Variants in STEEP1 observed in about 807,000 individuals in gnomAD.
STEEP1 encodes STING ER exit protein.
A neutral mutation model predicts 19.2 loss-of-function variants in STEEP1; 3 were observed. The observed-to-expected ratio is 0.16, with a 90% CI of 0.07 to 0.40. The LOEUF (loss-of-function observed/expected upper bound fraction) is 0.40. Ranked by LOEUF, STEEP1 falls within the 10% of genes least tolerant of loss-of-function variation. The pLI is 0.99. For synonymous variants in STEEP1, 46 were observed against 63.7 expected (o/e 0.72, Z 1.32); for missense variants, 54 against 177.1 (o/e 0.30, Z 3.94).
intron 1 of STEEP1, among the ~76,000 whole-genome samples, chrX:119,561,980 T>C (rs2053323335): frequency 8.9e-6 from 1 of 112,943 alleles, no homozygotes. Flanking sequence ...CAAAAGCACA[T>C]GCTGTTTCCA....
chrX:119,543,376 G>A (rs763833205), intron 4 of STEEP1, among the ~76,000 whole-genome samples: 193 of 107,010 alleles, frequency 1.8e-3, no homozygotes, highest in African/African-American at 6.4e-3. Context: ...TAGTAGAGAC[G>A]GGGTTTCTCC....
At chrX:119,543,378 G>C (rs913488755) in intron 4 of STEEP1, among the ~76,000 whole-genome samples, 1 of 106,772 alleles carries the variant, frequency 9.4e-6, no homozygotes, top group Non-Finnish European at 1.9e-5. Flanking sequence ...GTAGAGACGG[G>C]GTTTCTCCAT....
Position 119,562,687 on chromosome X carries a change from CA to C in STEEP1, c.125-2303del, listed in dbSNP as rs199872289. ...GGGCTACAAGAGCTAGACACTGTTT[CA>C]AAAAAAAAAAAAAAAAGTTCCGGCC... On this transcript the variant is annotated intron_variant, in intron 1 of 6. Coordinates refer to ENST00000644802, the MANE Select transcript of STEEP1 (RefSeq NM_022101.4). Among the ~76,000 whole-genome samples, 664 of 88,124 alleles carry C rather than the reference CA, an allele frequency of 7.5e-3. 2 individuals carry two copies. The highest frequency in any genetic ancestry group is 9.6e-3 in the Non-Finnish European group (428 of 44,593). The allele number at this position is 88,124 out of a possible 115,157, so 76.5% of individuals were successfully genotyped here.
chrX:119,557,155 C>CA (rs61087266), intron 2 of STEEP1, among the ~76,000 whole-genome samples: 1,492 of 47,697 alleles, frequency 0.031, 70 homozygotes, highest in African/African-American at 0.1. Context: ...GACTCTATCT[C>CA]AAAAAAAAAA....
chrX:119,542,847 C>A, intron 4 of STEEP1: 1 of 240,329 alleles, frequency 4.2e-6, no homozygotes, highest in East Asian at 7.6e-5. Context: ...GCTGCCCAGG[C>A]TGGAATACAG....
At chrX:119,564,135 T>C (rs939895286) in intron 1 of STEEP1, among the ~76,000 whole-genome samples, 1 of 110,287 alleles carries the variant, frequency 9.1e-6, no homozygotes, top group Admixed American at 9.7e-5. Flanking sequence ...TGAGAACAGG[T>C]GAGAGTACTG....
At chrX:119,562,755 A>T (rs904638731) in intron 1 of STEEP1, among the ~76,000 whole-genome samples, 11 of 111,160 alleles carry the variant, frequency 9.9e-5, no homozygotes, top group Non-Finnish European at 1.9e-4. Context: ...AACATATTTT[A>T]AAATAATTAT....
At chrX:119,539,845 C>G in intron 6 of STEEP1, 56 bp from the exon 7 acceptor site, 1 of 985,231 alleles carries the variant, frequency 1.0e-6, no homozygotes, top group Non-Finnish European at 1.4e-6. Flanking sequence ...TATTTTCCTT[C>G]CTTATTCTAA....
chrX:119,560,555 G>A (rs1273390822), intron 1 of STEEP1, among the ~76,000 whole-genome samples, 170 bp from the exon 2 acceptor site: 2 of 112,150 alleles, frequency 1.8e-5, no homozygotes, highest in East Asian at 5.5e-4. Flanking sequence ...AAAATGACTT[G>A]CTATCAGGAG....
At chrX:119,562,995 A>G (rs932171635) in intron 1 of STEEP1, among the ~76,000 whole-genome samples, 24 of 111,748 alleles carry the variant, frequency 2.1e-4, no homozygotes, top group African/African-American at 7.5e-4. Flanking sequence ...ATGATGGAGA[A>G]AAAGCAAAAA....
At chrX:119,550,875 C>G (rs768803919) in intron 2 of STEEP1, among the ~76,000 whole-genome samples, 114 of 110,759 alleles carry the variant, frequency 1.0e-3, no homozygotes, top group Non-Finnish European at 1.5e-3. Flanking sequence ...GTTGGCCAGG[C>G]TAGTTTCAAA....
Position 119,539,851 on chromosome X carries a change from T to G in STEEP1, c.607-62A>C. ...ACATGAAATTATTTTCCTTCCTTAT[T>G]CTAACCAACCCAAACACTCTCCCTT... is the stretch of plus-strand genomic sequence containing the variant. On this transcript the variant is annotated intron_variant, in intron 6 of 6. Transcript: ENST00000644802. The G allele has an allele frequency of 4.4e-6, 4 of 911,466 alleles. 1 individual carries two copies. In the Admixed American group the frequency reaches 9.5e-5, roughly 22 times the overall value. 75.1% of individuals were successfully genotyped at this position (911,466 alleles called of 1,213,427 possible).
At chrX:119,557,611 G>T (rs545432539) in intron 2 of STEEP1, among the ~76,000 whole-genome samples, 2 of 111,796 alleles carry the variant, frequency 1.8e-5, no homozygotes, top group South Asian at 7.5e-4. Context: ...ATGTCATACT[G>T]GAGGAGGATG....
chrX:119,550,165 A>G (rs1244785141), intron 2 of STEEP1, among the ~76,000 whole-genome samples: 1 of 112,444 alleles, frequency 8.9e-6, no homozygotes, highest in Non-Finnish European at 1.9e-5. Context: ...ATTCAACACA[A>G]TCCCTTTCAA....
chrX:119,562,432 C>T (rs1183346986), intron 1 of STEEP1, among the ~76,000 whole-genome samples: 2 of 109,735 alleles, frequency 1.8e-5, no homozygotes, highest in Non-Finnish European at 3.8e-5. Flanking sequence ...ACTCGGGAGG[C>T]TGAGGCAGGA....
chrX:119,554,383 T>C (rs913658300), intron 2 of STEEP1, among the ~76,000 whole-genome samples: 7 of 111,578 alleles, frequency 6.3e-5, no homozygotes, highest in Non-Finnish European at 1.9e-5. Context: ...AGGTGGAGGT[T>C]GCAGTGAGCC....
chrX:119,539,681 T>A lies in STEEP1; in HGVS notation c.*46A>T, dbSNP rs372047133. On this transcript the variant is annotated 3_prime_UTR_variant, in exon 7 of 7. Coordinates refer to ENST00000644802, the MANE Select transcript of STEEP1 (RefSeq NM_022101.4). ...GTAATCAAGAAATTACTTTGCCTCC[T>A]GATCTAAATGCTTGCCTCTAGTCTA... 10 of 1,023,516 alleles carry A rather than the reference T, an allele frequency of 9.8e-6. No individual in the cohort carries two copies. The East Asian group carries it at 2.7e-4, about 28-fold the overall frequency. 84.3% of individuals were successfully genotyped at this position (1,023,516 alleles called of 1,213,427 possible). A position where few individuals can be genotyped will look rare whatever the true frequency, so the allele number is the denominator to read the frequency against.
intron 3 of STEEP1, among the ~76,000 whole-genome samples, chrX:119,544,841 T>G (rs1193246021): frequency 9.1e-6 from 1 of 109,349 alleles, no homozygotes; most frequent in Non-Finnish European, 1.9e-5. Context: ...CTCGGGAGGT[T>G]GACACAGGAG....
At chrX:119,547,762 T>A (rs1429950988) in intron 2 of STEEP1, among the ~76,000 whole-genome samples, 1 of 111,759 alleles carries the variant, frequency 8.9e-6, no homozygotes, top group East Asian at 2.8e-4. Context: ...CAATAGCAAA[T>A]AAATAAATAA....
Sources: allele counts gnomAD v4.1 joint callset (sites outside exome capture counted in the v4.1 genomes callset), GRCh38; gene constraint gnomAD v4.1.1; transcripts MANE v1.5; gene names NCBI Gene and HGNC (gene_info 2026-07-23, HGNC 2026-07-21).